ANTXRL: variants seen among roughly 807,000 people sequenced by gnomAD.
ANTXRL encodes ANTXR like.
A neutral mutation model predicts 75.4 loss-of-function variants in ANTXRL; 63 were observed. That is an observed-to-expected ratio of 0.84 (90% CI 0.68 to 1.03). ANTXRL has a LOEUF of 1.03. Among genes scored for constraint, ANTXRL ranks in the 50% least tolerant of loss-of-function variants. ANTXRL has a pLI of 0.00. For synonymous variants in ANTXRL, 335 were observed against 291.3 expected, an observed-to-expected ratio of 1.15 and a Z score of -1.53; for missense variants, 797 against 789.4, an observed-to-expected ratio of 1.01 and a Z score of -0.12.
chr10:46,327,027 C>A (rs1839249831), intron 16 of ANTXRL, among the ~76,000 whole-genome samples: 1 of 152,104 alleles, frequency 6.6e-6, no homozygotes, highest in African/African-American at 2.4e-5. Flanking sequence ...TGCTCTGGGG[C>A]TTTGGGACCA....
chr10:46,326,299 T>C (rs1839208791), intron 16 of ANTXRL, among the ~76,000 whole-genome samples: 1 of 151,558 alleles, frequency 6.6e-6, no homozygotes. Context: ...GAGAAATGAG[T>C]GGACAGCAGT....
chr10:46,330,127 G>T lies in ANTXRL; in HGVS notation c.*43G>T. 1 of 1,451,974 alleles carries T rather than the reference G, an allele frequency of 6.9e-7. No individual in the cohort carries two copies. The highest frequency in any genetic ancestry group is 1.4e-5 in the South Asian group (1 of 70,482). The allele number at this position is 1,451,974 out of a possible 1,614,324, so 89.9% of individuals were successfully genotyped here. ...ATTAACAGGCTTTTGTTGCTGAACT[G>T]GACATATACATTGAGTCTTTTCTTG... On this transcript the variant is annotated 3_prime_UTR_variant, in exon 17 of 17. Transcript: ENST00000620264.
intron 14 of ANTXRL, 38 bp from the exon 15 acceptor site, chr10:46,311,472 C>T: frequency 6.7e-7 from 1 of 1,503,318 alleles, no homozygotes; most frequent in Non-Finnish European, 8.9e-7. Context: ...CTGTGCCCTG[C>T]CAGCACTGTG....
intron 10 of ANTXRL, 110 bp downstream of exon 10, chr10:46,302,930 G>A: frequency 1.1e-6 from 1 of 887,640 alleles, no homozygotes; most frequent in Non-Finnish European, 1.7e-6. Flanking sequence ...TGTGGACCCT[G>A]TGGGGTTAGA....
chr10:46,296,092 T>C lies in ANTXRL; in HGVS notation c.466T>C (p.Phe156Leu). The C allele has an allele frequency of 2.6e-6, 4 of 1,535,888 alleles. No homozygotes were observed. Among genetic ancestry groups the C allele is most frequent in the Non-Finnish European group, 3.5e-6 (4 of 1,146,730 alleles). Residue 156 changes from phenylalanine to leucine, a missense_variant, in exon 4 of 17, where the codon TTT becomes CTT. Physicochemically the swap from Phe to Leu is conservative, Grantham distance 22. Coordinates refer to ENST00000620264, the MANE Select transcript of ANTXRL (RefSeq NM_001278688.3). Reference protein sequence around the residue: ...PDGHTFMQAGFRKAIQQIESF... With the variant: ...PDGHTFMQAGLRKAIQQIESF... Reference sequence around the variant, plus strand: ...CGGTCACACATTCATGCAGGCAGGATTTAGAAAGGTATAGACCCCTTGATC... The same window carrying C: ...CGGTCACACATTCATGCAGGCAGGACTTAGAAAGGTATAGACCCCTTGATC...
intron 11 of ANTXRL, 135 bp downstream of exon 11, chr10:46,307,007 C>A: frequency 1.4e-6 from 1 of 727,192 alleles, no homozygotes; most frequent in Non-Finnish European, 2.2e-6. Flanking sequence ...AAAGAGCACC[C>A]TCCTCCCCAC....
intron 1 of ANTXRL, 39 bp from the exon 2 acceptor site, chr10:46,292,019 T>G: frequency 6.6e-7 from 1 of 1,525,726 alleles, no homozygotes; most frequent in Non-Finnish European, 8.8e-7. Flanking sequence ...ATCGGAGAGA[T>G]GCACTCATCT....
rs575366665 is a variant in ANTXRL, at chr10:46,297,400, C to G, written c.586-6C>G. ...TGACCAATATGCAATGCCTTCTTTC[C>G]CTTAGGCTCAAAAGGCTCGGAAACT... is the stretch of plus-strand genomic sequence containing the variant. On this transcript the variant is annotated splice_polypyrimidine_tract_variant and splice_region_variant and intron_variant, in intron 6 of 16. Transcript: ENST00000620264. 1.3e-6 allele frequency: 2 copies of G among 1,535,864 alleles called. No individual in the cohort carries two copies. The highest frequency in any genetic ancestry group is 1.7e-6 in the Non-Finnish European group (2 of 1,146,788).
intron 9 of ANTXRL, among the ~76,000 whole-genome samples, chr10:46,299,443 G>A (rs1837583249): frequency 6.6e-6 from 1 of 152,138 alleles, no homozygotes. Context: ...GCCTCTGTCT[G>A]TCCTGAGCTC....
intron 3 of ANTXRL, chr10:46,294,220 G>A (rs1312316376): frequency 1.3e-5 from 5 of 394,042 alleles, no homozygotes; most frequent in Non-Finnish European, 2.3e-5. Flanking sequence ...GGGGCTGGCA[G>A]GGCGGGGGTG....
chr10:46,297,156 A>T, intron 5 of ANTXRL, 96 bp from the exon 6 acceptor site: 1 of 1,015,412 alleles, frequency 9.8e-7, no homozygotes, highest in Non-Finnish European at 1.5e-6. Flanking sequence ...TGGAGTGGGC[A>T]GCGCTGTGGG....
intron 16 of ANTXRL, among the ~76,000 whole-genome samples, chr10:46,318,281 C>G (rs1554965004): frequency 6.6e-6 from 1 of 151,890 alleles, no homozygotes; most frequent in African/African-American, 2.4e-5. Context: ...TTTACAATAG[C>G]AATAAAAAAC....
chr10:46,313,653 T>A (rs1429194017), intron 16 of ANTXRL, among the ~76,000 whole-genome samples: 13 of 152,154 alleles, frequency 8.5e-5, no homozygotes, highest in African/African-American at 3.1e-4. Context: ...AGATTTTCTC[T>A]TTGTAACTTA....
intron 16 of ANTXRL, among the ~76,000 whole-genome samples, chr10:46,319,482 G>A (rs782567422): frequency 1.3e-5 from 2 of 152,164 alleles, no homozygotes; most frequent in Admixed American, 1.3e-4. Context: ...AAAGACCAAA[G>A]TGAACTCCTT....
intron 1 of ANTXRL, among the ~76,000 whole-genome samples, chr10:46,290,727 C>T (rs1325612963): frequency 5.3e-5 from 8 of 152,094 alleles, no homozygotes; most frequent in Admixed American, 1.3e-4. Flanking sequence ...ATTTGCATAT[C>T]TTCTTTGAGG....
chr10:46,323,640 C>T (rs746316865), intron 16 of ANTXRL, among the ~76,000 whole-genome samples: 11 of 152,138 alleles, frequency 7.2e-5, no homozygotes, highest in Non-Finnish European at 1.3e-4. Context: ...AGAATATTCC[C>T]TAACTACTGG....
At chr10:46,310,089 G>A (rs1321977212) in intron 13 of ANTXRL, among the ~76,000 whole-genome samples, 1 of 152,144 alleles carries the variant, frequency 6.6e-6, no homozygotes, top group Non-Finnish European at 1.5e-5. Flanking sequence ...AGGTCAGGGA[G>A]GGCTCCTGTA....
intron 7 of ANTXRL, 83 bp from the exon 8 acceptor site, chr10:46,297,748 G>C: frequency 8.0e-7 from 1 of 1,245,564 alleles, no homozygotes; most frequent in South Asian, 1.3e-5. Context: ...AAAGCATGAG[G>C]GCAAGACACT....
intron 10 of ANTXRL, among the ~76,000 whole-genome samples, chr10:46,305,354 A>G (rs1554961615): frequency 2.6e-5 from 4 of 152,194 alleles, no homozygotes; most frequent in African/African-American, 9.7e-5. Flanking sequence ...CAGAAATGCT[A>G]TTTATTCAGG....
Sources: allele counts gnomAD v4.1 joint callset (sites outside exome capture counted in the v4.1 genomes callset), GRCh38; gene constraint gnomAD v4.1.1; transcripts MANE v1.5; gene names NCBI Gene and HGNC (gene_info 2026-07-23, HGNC 2026-07-21).